PCDH10: variants seen among roughly 807,000 people sequenced by gnomAD.
PCDH10 encodes protocadherin 10.
PCDH10 carries 15 observed loss-of-function variants against 74.4 expected under a neutral mutation model. The ratio of observed to expected loss-of-function variants is 0.20; its 90% CI spans 0.13 to 0.31. The LOEUF (loss-of-function observed/expected upper bound fraction) is 0.31. PCDH10 is among the 10% of genes least tolerant of loss of function. The pLI, the probability that PCDH10 is intolerant of heterozygous loss-of-function variation, is 1.00. For missense variants in PCDH10, 1,260 were observed against 1,390.2 expected (o/e 0.91, Z 1.49); for synonymous variants, 619 against 589.8 (o/e 1.05, Z -0.72).
At chr4:133,198,367 G>A (rs554632021), downstream of PCDH10, among the ~76,000 whole-genome samples, 133 of 152,012 alleles carry the variant, frequency 8.7e-4, no homozygotes, top group African/African-American at 3.1e-3. Flanking sequence ...GTTAAAACAA[G>A]GAAAAAAGTA....
intron 4 of PCDH10, among the ~76,000 whole-genome samples, chr4:133,185,747 T>G (rs1727530299): frequency 6.6e-6 from 1 of 152,122 alleles, no homozygotes; most frequent in African/African-American, 2.4e-5. Flanking sequence ...ATTCGAAGGG[T>G]GTCCTTTCTT....
Position 133,190,851 on chromosome 4 carries a change from A to C in PCDH10, c.*691A>C, listed in dbSNP as rs1338284555. 6.6e-6 allele frequency: 1 copy of C among 152,046 alleles called. No individual in the cohort carries two copies. Among genetic ancestry groups the C allele is most frequent in the Non-Finnish European group, 1.5e-5 (1 of 67,840 alleles). The allele number at this position is 152,046 out of a possible 1,614,324, so 9.4% of individuals were successfully genotyped here. ...AGTCCACATCATACAATAAAATAAAAGGTAATTCAGGGTCCCAAAGACAAA... is the reference window on the plus strand; with the variant it reads ...AGTCCACATCATACAATAAAATAAACGGTAATTCAGGGTCCCAAAGACAAA... On this transcript the variant is annotated 3_prime_UTR_variant, in exon 5 of 5. Transcript: ENST00000264360.
At chr4:133,160,940 T>C (rs572011886) in intron 3 of PCDH10, among the ~76,000 whole-genome samples, 84 of 152,170 alleles carry the variant, frequency 5.5e-4, no homozygotes, top group African/African-American at 1.9e-3. Flanking sequence ...GCAGCACTTA[T>C]CATGTCAAAG....
At chr4:133,182,900 C>T (rs1040313513) in intron 4 of PCDH10, among the ~76,000 whole-genome samples, 5 of 151,922 alleles carry the variant, frequency 3.3e-5, no homozygotes, top group East Asian at 1.9e-4. Context: ...AGTTGAAGAA[C>T]GTTTTACAAA....
At chr4:133,166,616 A>G (rs545773501) in intron 4 of PCDH10, among the ~76,000 whole-genome samples, 2 of 151,636 alleles carry the variant, frequency 1.3e-5, no homozygotes, top group African/African-American at 4.8e-5. Flanking sequence ...TACTAGTTAA[A>G]ACACTTTAAT....
intron 4 of PCDH10, among the ~76,000 whole-genome samples, chr4:133,178,624 G>T (rs113926158): frequency 6.6e-6 from 1 of 150,804 alleles, no homozygotes; most frequent in Non-Finnish European, 1.5e-5. Context: ...GAAATGTGAC[G>T]GGTTATTTTT....
In PCDH10 at chr4:133,152,761, T is replaced by A. The variant is rs1726763896; in HGVS notation, c.2621T>A (p.Leu874Ter). 6.2e-7 allele frequency: 1 copy of A among 1,614,124 alleles called. No individual in the cohort carries two copies. Among genetic ancestry groups the A allele is most frequent in the South Asian group, 1.1e-5 (1 of 91,090 alleles). The change falls in exon 1 of 5, where the codon TTG becomes TAG. Residue 874 changes from leucine (L) to a stop codon, truncating the protein, a stop_gained. Transcript: ENST00000264360. LOFTEE classifies it high-confidence loss of function. ...GATATCATCTCCAACGGAAGCATTT[T>A]GTCCAACGAGGTAAGGCTGAAGCGA... The part of the protein sequence containing the change: ...QPDIISNGSI[L>*]SNETKHQRAE...
In PCDH10 at chr4:133,151,776, C is replaced by T. The variant is rs1476056957; in HGVS notation, c.1636C>T (p.Arg546Trp). 2.5e-6 allele frequency: 4 copies of T among 1,613,106 alleles called. No individual in the cohort carries two copies. Among genetic ancestry groups the T allele is most frequent in the East Asian group, 2.2e-5 (1 of 44,858 alleles). ...GGACTTCAGTTTTCAGGTGGAAGCC[C>T]GGGACGCTGGCAGCCCCCAGGCGCT... ...LKDFSFQVEA[R>W]DAGSPQALAG... The change falls in exon 1 of 5, where the codon CGG becomes TGG. Residue 546 changes from arginine (R) to tryptophan (W), a missense_variant. Coordinates refer to ENST00000264360, the MANE Select transcript of PCDH10 (RefSeq NM_032961.3).
chr4:133,150,524 G>A lies in PCDH10; in HGVS notation c.384G>A (p.Thr128=), dbSNP rs753634602. 6.2e-7 allele frequency: 1 copy of A among 1,613,628 alleles called. No homozygotes were observed. Among genetic ancestry groups the A allele is most frequent in the Admixed American group, 1.7e-5 (1 of 59,972 alleles). Residue 128 remains threonine (T), a synonymous_variant, in exon 1 of 5, where the codon ACG becomes ACA. Transcript: ENST00000264360. The part of the protein sequence containing the change: ...NPPSFPEPDL[T]VEISESATPG... ...CCTCTTTCCCGGAGCCAGACCTGAC[G>A]GTGGAAATCTCTGAGAGCGCCACGC...
intron 4 of PCDH10, among the ~76,000 whole-genome samples, chr4:133,173,564 C>T (rs1023766810): frequency 6.6e-6 from 1 of 151,974 alleles, no homozygotes; most frequent in Non-Finnish European, 1.5e-5. Flanking sequence ...TGCCTTTCCT[C>T]ATCTGCATCT....
At position 133,192,225 on chromosome 4, in the gene PCDH10, G is replaced by A. The variant is rs1359298110; in HGVS notation, c.*2065G>A. The A allele has an allele frequency of 2.0e-5, 3 of 151,346 alleles. No individual in the cohort carries two copies. Among genetic ancestry groups the A allele is most frequent in the African/African-American group, 7.3e-5 (3 of 41,316 alleles). 9.4% of individuals were successfully genotyped at this position (151,346 alleles called of 1,614,324 possible). A position where few individuals can be genotyped will look rare whatever the true frequency, so the allele number is the denominator to read the frequency against. On this transcript the variant is annotated 3_prime_UTR_variant, in exon 5 of 5. Coordinates refer to ENST00000264360, the MANE Select transcript of PCDH10 (RefSeq NM_032961.3). ...CAGCAGTAACATTTTCTTAAACTTT[G>A]GCATTACTACATTAATATTTTGAAT...
rs1260751528 is a variant in PCDH10 at position 133,152,787 on chromosome 4, A to C, written c.2631+16A>C. On this transcript the variant is annotated intron_variant, in intron 1 of 4. Transcript: ENST00000264360. The stretch of plus-strand genomic sequence containing the variant: ...GTCCAACGAGGTAAGGCTGAAGCGA[A>C]AGGACCACCATCTCTCATCTCCTCC... 4.3e-6 allele frequency: 7 copies of C among 1,614,044 alleles called. No individual in the cohort carries two copies. The highest frequency in any genetic ancestry group is 5.9e-6 in the Non-Finnish European group (7 of 1,179,932).
intron 4 of PCDH10, among the ~76,000 whole-genome samples, chr4:133,186,596 G>T (rs1016267905): frequency 2.0e-5 from 3 of 152,070 alleles, no homozygotes; most frequent in Non-Finnish European, 4.4e-5. Flanking sequence ...CTTAACACTG[G>T]AATAATTGTC....
At chr4:133,153,198 T>A in intron 1 of PCDH10, 2 of 1,070,884 alleles carry the variant, frequency 1.9e-6, no homozygotes, top group Non-Finnish European at 2.3e-6. Context: ...TTGCTTTGTT[T>A]AACGATGCTT....
chr4:133,200,353 C>T (rs1163604367), intron 2 of PCDH10, among the ~76,000 whole-genome samples: 3 of 151,614 alleles, frequency 2.0e-5, no homozygotes, highest in Non-Finnish European at 4.4e-5. Context: ...TTAACTCAAA[C>T]CTTCTGGCAT....
Position 133,207,846 on chromosome 4 carries a change from G to A in PCDH10, n.438-230G>A, listed in dbSNP as rs1035341527. On this transcript the variant is annotated intron_variant and non_coding_transcript_variant, in intron 2 of 2. Transcript: ENST00000511112. ...AATTTAACATGACTGTGTTTATGTA[G>A]GGTTGACAGCCTCTGTGATGGCCCA... 2.0e-5 allele frequency among the ~76,000 whole-genome samples: 3 copies of A among 152,056 alleles called. No homozygotes were observed. In the East Asian group the frequency reaches 5.8e-4, roughly 29 times the overall value.
chr4:133,190,403 G>C lies in PCDH10; in HGVS notation c.*243G>C, dbSNP rs182069724. 5 of 552,660 alleles carry C rather than the reference G, an allele frequency of 9.0e-6. No homozygotes were observed. The highest frequency in any genetic ancestry group is 7.6e-5 in the African/African-American group (4 of 52,708). The allele number at this position is 552,660 out of a possible 1,614,324, so 34.2% of individuals were successfully genotyped here. On this transcript the variant is annotated 3_prime_UTR_variant, in exon 5 of 5. Coordinates refer to ENST00000264360, the MANE Select transcript of PCDH10 (RefSeq NM_032961.3). ...GCAACAGATTTTGCCTCCCCGATCA[G>C]TGTGTGCCTGTTTACAGCACTATCT...
rs1314862620 is a variant in PCDH10, at chr4:133,149,608, G to A, written c.-533G>A. The stretch of plus-strand genomic sequence containing the variant: ...TGCTTTTCCGGCACAAAATTATATC[G>A]CTGATTTTAAGCCCTTTTGCATTTG... On this transcript the variant is annotated 5_prime_UTR_variant, in exon 1 of 5. Coordinates refer to ENST00000264360, the MANE Select transcript of PCDH10 (RefSeq NM_032961.3). 1.3e-5 allele frequency: 2 copies of A among 152,490 alleles called. No individual in the cohort carries two copies. The highest frequency in any genetic ancestry group is 2.9e-5 in the Non-Finnish European group (2 of 68,260). The allele number at this position is 152,490 out of a possible 1,614,324, so 9.4% of individuals were successfully genotyped here.
At chr4:133,175,539 T>G (rs1292201505) in intron 4 of PCDH10, among the ~76,000 whole-genome samples, 4 of 152,098 alleles carry the variant, frequency 2.6e-5, no homozygotes, top group African/African-American at 9.7e-5. Flanking sequence ...GATTATTATC[T>G]TAATTTAAAA....
Sources: gnomAD v4.1 joint callset for allele counts (sites outside exome capture counted in the v4.1 genomes callset) on GRCh38, gnomAD v4.1.1 for gene constraint, MANE v1.5 for transcripts, NCBI Gene and HGNC (gene_info 2026-07-23, HGNC 2026-07-21) for gene names.